The following L3MBTL3 variants were observed in gnomAD, a reference collection of about 807,000 sequenced individuals.
L3MBTL3 encodes the protein lethal(3)malignant brain tumor-like protein 3.
L3MBTL3 carries 27 observed loss-of-function variants against 102.3 expected under a neutral mutation model. The ratio of observed to expected loss-of-function variants is 0.26; its 90% CI spans 0.19 to 0.36. The LOEUF is 0.36. Ranked by LOEUF, L3MBTL3 falls within the 10% of genes least tolerant of loss-of-function variation. The pLI, the probability that L3MBTL3 is intolerant of heterozygous loss-of-function variation, is 1.00. For missense variants in L3MBTL3, 798 were observed against 955.3 expected (o/e 0.84, Z 2.17); for synonymous variants, 340 against 320.9 (o/e 1.06, Z -0.64).
chr6:130,036,398 C>G (rs549362338), intron 2 of L3MBTL3, among the ~76,000 whole-genome samples: 1 of 152,134 alleles, frequency 6.6e-6, no homozygotes, highest in Non-Finnish European at 1.5e-5. Flanking sequence ...ATATTGTATT[C>G]AGAATCTCTG....
At chr6:130,118,922 G>A (rs528833105) in intron 19 of L3MBTL3, among the ~76,000 whole-genome samples, 26 of 152,130 alleles carry the variant, frequency 1.7e-4, no homozygotes, top group Admixed American at 6.5e-4. Flanking sequence ...TCTTTTTCTT[G>A]GAGTTCAGAA....
chr6:130,061,356 C>CAAGCA (rs1325547920), intron 10 of L3MBTL3, among the ~76,000 whole-genome samples: 1 of 152,186 alleles, frequency 6.6e-6, no homozygotes, highest in African/African-American at 2.4e-5. Context: ...GCTGGGATTA[C>CAAGCA]AAGCGTGAGC....
intron 15 of L3MBTL3, among the ~76,000 whole-genome samples, chr6:130,084,628 C>T (rs890607170): frequency 1.3e-5 from 2 of 152,160 alleles, no homozygotes; most frequent in Non-Finnish European, 2.9e-5. Flanking sequence ...ATTTTTATCT[C>T]CCACCCTTTA....
chr6:130,027,334 T>C (rs879368338), intron 2 of L3MBTL3, among the ~76,000 whole-genome samples: 13 of 152,172 alleles, frequency 8.5e-5, no homozygotes, highest in Non-Finnish European at 1.5e-5. Context: ...TTACATAAAT[T>C]TTGTGGAATT....
intron 15 of L3MBTL3, 144 bp downstream of exon 15, chr6:130,083,849 A>G (rs142695293): frequency 2.8e-5 from 12 of 429,510 alleles, no homozygotes; most frequent in African/African-American, 6.2e-5. Flanking sequence ...AATTTTTACA[A>G]TTTTTAAAGT....
intron 19 of L3MBTL3, among the ~76,000 whole-genome samples, chr6:130,112,961 T>C (rs768374141): frequency 2.6e-5 from 4 of 152,198 alleles, no homozygotes; most frequent in African/African-American, 7.2e-5. Context: ...CTGTGGACAG[T>C]GGCAGCTCAT....
At chr6:130,120,237 AAAAC>A (rs375925708) in intron 19 of L3MBTL3, among the ~76,000 whole-genome samples, 69 of 152,268 alleles carry the variant, frequency 4.5e-4, no homozygotes, top group South Asian at 8.3e-4. Flanking sequence ...TTTTTTTAAA[AAAAC>A]AAACAAACCC....
intron 2 of L3MBTL3, among the ~76,000 whole-genome samples, chr6:130,034,053 C>G (rs1274773957): frequency 6.6e-5 from 10 of 152,198 alleles, no homozygotes; most frequent in Non-Finnish European, 1.3e-4. Flanking sequence ...GGACTGGTAT[C>G]TTCCCTTCAT....
At chr6:130,135,570 G>A (rs1038100215) in intron 22 of L3MBTL3, among the ~76,000 whole-genome samples, 4 of 152,078 alleles carry the variant, frequency 2.6e-5, no homozygotes, top group African/African-American at 9.7e-5. Context: ...TTCAGTTTGA[G>A]TAAGATTCAA....
chr6:130,051,477 A>G, intron 6 of L3MBTL3, 69 bp downstream of exon 6: 2 of 1,401,108 alleles, frequency 1.4e-6, no homozygotes, highest in East Asian at 2.3e-5. Context: ...CTGAGAATAT[A>G]GAAGTTTTAT....
At chr6:130,021,758 C>A (rs1253407298) in intron 1 of L3MBTL3, among the ~76,000 whole-genome samples, 1 of 152,072 alleles carries the variant, frequency 6.6e-6, no homozygotes, top group Admixed American at 6.5e-5. Context: ...AGTAAGTAGT[C>A]CCTTTTGGTT....
chr6:130,079,779 C>T (rs1195320238), intron 14 of L3MBTL3, among the ~76,000 whole-genome samples: 2 of 152,180 alleles, frequency 1.3e-5, no homozygotes, highest in Non-Finnish European at 2.9e-5. Flanking sequence ...TACAGTGTCT[C>T]ACTTAGAGTG....
intron 22 of L3MBTL3, among the ~76,000 whole-genome samples, chr6:130,135,493 C>T (rs1418969546): frequency 1.3e-5 from 2 of 152,138 alleles, no homozygotes; most frequent in Admixed American, 1.3e-4. Context: ...TATAATGCAT[C>T]TCTTTTATAA....
chr6:130,052,637 G>A (rs1781178897), intron 6 of L3MBTL3, among the ~76,000 whole-genome samples: 2 of 152,088 alleles, frequency 1.3e-5, no homozygotes, highest in Admixed American at 1.3e-4. Flanking sequence ...AATATATAAG[G>A]TAATTTTCAT....
chr6:130,072,213 A>G (rs955782760), intron 13 of L3MBTL3, among the ~76,000 whole-genome samples: 1 of 152,142 alleles, frequency 6.6e-6, no homozygotes, highest in Non-Finnish European at 1.5e-5. Flanking sequence ...TTTACGTAGT[A>G]TAACTACGTA....
chr6:130,063,659 CAAGT>C lies in L3MBTL3; in HGVS notation c.865-2690_865-2687del, dbSNP rs200219156. 3.8e-3 allele frequency among the ~76,000 whole-genome samples: 577 copies of C among 152,246 alleles called. 7 individuals are homozygous for C. Among genetic ancestry groups the C allele is most frequent in the African/African-American group, 0.012 (494 of 41,546 alleles). ...GTTCATTCATTAAAAATTGAACTCACAAGTAAGAGCACTATCACTCCTGCCTGAT... is the reference window on the plus strand; with the variant it reads ...GTTCATTCATTAAAAATTGAACTCACAAGAGCACTATCACTCCTGCCTGAT... On this transcript the variant is annotated intron_variant, in intron 10 of 22. Coordinates refer to ENST00000361794, the MANE Select transcript of L3MBTL3 (RefSeq NM_032438.4).
At chr6:130,039,603 A>ATATG (rs1181049060) in intron 2 of L3MBTL3, among the ~76,000 whole-genome samples, 1 of 150,180 alleles carries the variant, frequency 6.7e-6, no homozygotes, top group East Asian at 1.9e-4. Context: ...TTTATAGTTT[A>ATATG]TATATATATA....
intron 18 of L3MBTL3, among the ~76,000 whole-genome samples, chr6:130,103,174 A>G (rs1041101141): frequency 6.6e-6 from 1 of 152,248 alleles, no homozygotes; most frequent in Non-Finnish European, 1.5e-5. Flanking sequence ...TGCTTGATAT[A>G]TCATAAGTGC....
At chr6:130,059,968 T>C in intron 9 of L3MBTL3, 68 bp from the exon 10 acceptor site, 1 of 764,930 alleles carries the variant, frequency 1.3e-6, no homozygotes, top group Non-Finnish European at 2.2e-6. Flanking sequence ...TTTAAAATGG[T>C]AACTATTTAC....
Sources: gnomAD v4.1 joint callset for allele counts (sites outside exome capture counted in the v4.1 genomes callset) on GRCh38, gnomAD v4.1.1 for gene constraint, MANE v1.5 for transcripts, NCBI Gene and HGNC (gene_info 2026-07-23, HGNC 2026-07-21) for gene names.